METTL8: variants seen among roughly 807,000 people sequenced by gnomAD.
METTL8 encodes methyltransferase 8, tRNA N3-cytidine.
A neutral mutation model predicts 48.7 loss-of-function variants in METTL8; 32 were observed. The observed-to-expected ratio is 0.66, with a 90% confidence interval of 0.50 to 0.88. METTL8 has a LOEUF of 0.88. Ranked by LOEUF, METTL8 falls within the 40% of genes least tolerant of loss-of-function variation. The pLI is 0.00. For synonymous variants in METTL8, 136 were observed against 157.1 expected (o/e 0.87, Z 1.01); for missense variants, 464 against 474.4 (o/e 0.98, Z 0.20).
At chr2:171,328,932 A>G (rs972962307) in intron 7 of METTL8, among the ~76,000 whole-genome samples, 2 of 151,282 alleles carry the variant, frequency 1.3e-5, no homozygotes, top group Admixed American at 1.3e-4. Context: ...CAGGTGATCC[A>G]CCCGCCTTGG....
Position 171,319,488 on chromosome 2 carries a change from A to G in METTL8, c.*4684T>C, listed in dbSNP as rs1417911871. On this transcript the variant is annotated 3_prime_UTR_variant, in exon 10 of 10. Coordinates refer to ENST00000375258, the MANE Select transcript of METTL8 (RefSeq NM_001321154.2). The stretch of plus-strand genomic sequence containing the variant: ...GTTTAACAATCCAGATGGTTCTGAT[A>G]GCTTTAAGTTTTGCCTCCAAGAGGG... The G allele has an allele frequency of 6.6e-6, 1 of 152,250 alleles. No individual in the cohort carries two copies. The highest frequency in any genetic ancestry group is 2.4e-5 in the African/African-American group (1 of 41,470). 9.4% of individuals were successfully genotyped at this position (152,250 alleles called of 1,614,324 possible).
intron 1 of METTL8, among the ~76,000 whole-genome samples, chr2:171,394,108 C>CT (rs1688834856): frequency 6.6e-6 from 1 of 152,130 alleles, no homozygotes; most frequent in African/African-American, 2.4e-5. Context: ...CCTGATGTGC[C>CT]TTTGTTCTTT....
At chr2:171,423,874 G>C (rs1228159540) in intron 1 of METTL8, among the ~76,000 whole-genome samples, 3 of 152,232 alleles carry the variant, frequency 2.0e-5, no homozygotes, top group Non-Finnish European at 2.9e-5. Context: ...AGACAATGGG[G>C]AAAATGTCTC....
intron 2 of METTL8, among the ~76,000 whole-genome samples, chr2:171,365,414 T>C (rs113002640): frequency 5.3e-4 from 80 of 152,304 alleles, no homozygotes; most frequent in African/African-American, 1.8e-3. Context: ...CATCCGTTCC[T>C]ACCCCTCCCA....
intron 2 of METTL8, among the ~76,000 whole-genome samples, chr2:171,364,773 G>C (rs770028550): frequency 6.6e-6 from 1 of 152,010 alleles, no homozygotes; most frequent in Non-Finnish European, 1.5e-5. Flanking sequence ...GTTGCTTCCT[G>C]TTACAACTTT....
intron 1 of METTL8, chr2:171,414,743 AG>A (rs1342027785): frequency 2.2e-4 from 34 of 151,690 alleles, no homozygotes. Context: ...AAAAAAAAAA[AG>A]GTTACTAAAA....
chr2:171,350,504 T>C (rs545394668), intron 3 of METTL8, among the ~76,000 whole-genome samples: 249 of 152,362 alleles, frequency 1.6e-3, no homozygotes, highest in African/African-American at 5.7e-3. Context: ...GGTCAAATGA[T>C]ATTTCTAGTT....
chr2:171,397,964 G>A (rs765837700), intron 1 of METTL8, among the ~76,000 whole-genome samples: 5 of 152,126 alleles, frequency 3.3e-5, no homozygotes, highest in Non-Finnish European at 7.4e-5. Flanking sequence ...TTTAAAAACA[G>A]CAACAACAAC....
chr2:171,397,600 A>C (rs1689237201), intron 1 of METTL8, among the ~76,000 whole-genome samples: 1 of 151,130 alleles, frequency 6.6e-6, no homozygotes, highest in African/African-American at 2.4e-5. Context: ...GAAGGAGGGA[A>C]AATGAGCAAA....
At chr2:171,344,088 A>C (rs183417714) in intron 3 of METTL8, among the ~76,000 whole-genome samples, 37 of 152,346 alleles carry the variant, frequency 2.4e-4, no homozygotes, top group Admixed American at 9.8e-4. Flanking sequence ...GAAATCAGAT[A>C]ATTACATAAA....
chr2:171,338,632 G>T (rs1225737851), intron 4 of METTL8, among the ~76,000 whole-genome samples: 1 of 141,036 alleles, frequency 7.1e-6, no homozygotes, highest in East Asian at 2.0e-4. Context: ...AAGAACAAAA[G>T]TCTGTCTCAA....
intron 2 of METTL8, among the ~76,000 whole-genome samples, chr2:171,384,704 C>A (rs924318934): frequency 1.1e-4 from 17 of 151,574 alleles, no homozygotes; most frequent in African/African-American, 3.9e-4. Context: ...GGGTAGCACA[C>A]ACCTGTAATC....
rs1684412256 is a variant in METTL8 at position 171,319,328 on chromosome 2, G to C, written c.*4844C>G. 6.6e-6 allele frequency: 1 copy of C among 152,256 alleles called. No individual in the cohort carries two copies. The highest frequency in any genetic ancestry group is 2.1e-4 in the South Asian group (1 of 4,836). 9.4% of individuals were successfully genotyped at this position (152,256 alleles called of 1,614,324 possible). A position where few individuals can be genotyped will look rare whatever the true frequency, so the allele number is the denominator to read the frequency against. On this transcript the variant is annotated 3_prime_UTR_variant, in exon 10 of 10. Coordinates refer to ENST00000375258, the MANE Select transcript of METTL8 (RefSeq NM_001321154.2). ...AGGAAGCAGGAGGAGCAGAGGCTTT[G>C]AAAGAGGTCGATTAGTGATGCAAAT...
chr2:171,324,280 T>C lies in METTL8; in HGVS notation c.1116A>G (p.Lys372=), dbSNP rs1432137124. ...ACACTCGGTGCATTTTCACTTGTTT[T>C]TTCCTATTAACTTGTAAGCGGCGAT... The part of the protein sequence containing the change: ...LVDRRLQVNR[K]KQVKMHRVWI... The change falls in exon 10 of 10, where the codon AAA becomes AAG. Residue 372 remains lysine, a synonymous_variant. Coordinates refer to ENST00000375258, the MANE Select transcript of METTL8 (RefSeq NM_001321154.2). 1.3e-6 allele frequency: 2 copies of C among 1,551,652 alleles called. No individual in the cohort carries two copies. Among genetic ancestry groups the C allele is most frequent in the Non-Finnish European group, 1.7e-6 (2 of 1,146,992 alleles).
chr2:171,324,412 G>C, intron 9 of METTL8, 50 bp from the exon 10 acceptor site: 1 of 1,481,410 alleles, frequency 6.8e-7, no homozygotes, highest in Non-Finnish European at 9.2e-7. Flanking sequence ...CTAGAGATGG[G>C]GGAGGTCAGG....
At chr2:171,381,044 A>C (rs1202055514) in intron 2 of METTL8, among the ~76,000 whole-genome samples, 1 of 152,236 alleles carries the variant, frequency 6.6e-6, no homozygotes, top group Non-Finnish European at 1.5e-5. Flanking sequence ...CTGGTATCAA[A>C]ACAGACATAT....
In METTL8 at chr2:171,337,481, T is replaced by C; in HGVS notation, c.628A>G (p.Ser210Gly). ...AAAGTGTTCAAAATTGGAAACACAC[T>C]ATTTCCAGCTCCACAACCAACCTAA... is the stretch of plus-strand genomic sequence containing the variant. ...ILEVGCGAGN[S>G]VFPILNTLEN... is the part of the protein sequence containing the mutation. The change falls in exon 5 of 10, where the codon AGT (serine) becomes GGT (glycine). Residue 210 changes from serine (S) to glycine (G), a missense_variant. Coordinates refer to ENST00000375258, the MANE Select transcript of METTL8 (RefSeq NM_001321154.2). The C allele has an allele frequency of 1.2e-6, 2 of 1,606,278 alleles. No homozygotes were observed. Among genetic ancestry groups the C allele is most frequent in the South Asian group, 2.2e-5 (2 of 89,336 alleles).
At chr2:171,377,001 T>A (rs932382104) in intron 2 of METTL8, among the ~76,000 whole-genome samples, 1 of 152,182 alleles carries the variant, frequency 6.6e-6, no homozygotes, top group Non-Finnish European at 1.5e-5. Flanking sequence ...AATAGGCATA[T>A]AGACCAATGG....
chr2:171,352,237 C>T (rs1359631709), intron 3 of METTL8, among the ~76,000 whole-genome samples: 1 of 152,052 alleles, frequency 6.6e-6, no homozygotes, highest in African/African-American at 2.4e-5. Context: ...TTTTATCTTT[C>T]CTTCTGTTAA....
Sources: allele counts gnomAD v4.1 joint callset (sites outside exome capture counted in the v4.1 genomes callset), GRCh38; gene constraint gnomAD v4.1.1; transcripts MANE v1.5; gene names NCBI Gene and HGNC (gene_info 2026-07-23, HGNC 2026-07-21).